The following USP32 variants were observed in gnomAD, a reference collection of about 807,000 sequenced individuals.
The protein encoded by USP32 is ubiquitin specific peptidase 32.
A neutral mutation model predicts 204.8 loss-of-function variants in USP32; 59 were observed. That is an observed-to-expected ratio of 0.29 (90% CI 0.23 to 0.36). The LOEUF (loss-of-function observed/expected upper bound fraction) is 0.36, where lower values mean the gene tolerates loss of function less well. USP32 is among the 10% of genes least tolerant of loss of function. USP32 has a pLI of 1.00. For synonymous variants in USP32, 517 were observed against 678.4 expected (o/e 0.76, Z 3.70); for missense variants, 1,160 against 1,946.4 (o/e 0.60, Z 7.60).
chr17:60,384,874 G>C (rs1032338441), intron 1 of USP32, among the ~76,000 whole-genome samples: 1 of 151,996 alleles, frequency 6.6e-6, no homozygotes, highest in South Asian at 2.1e-4. Context: ...TTGGGAGGTG[G>C]AGGCGGGTGG....
intron 1 of USP32, among the ~76,000 whole-genome samples, chr17:60,347,178 G>A (rs972519616): frequency 1.9e-4 from 29 of 151,850 alleles, no homozygotes; most frequent in African/African-American, 6.3e-4. Context: ...AAGCAGTACT[G>A]GGAAGCTTTT....
At chr17:60,187,524 C>T (rs750925187) in intron 29 of USP32, among the ~76,000 whole-genome samples, 2 of 152,170 alleles carry the variant, frequency 1.3e-5, no homozygotes, top group African/African-American at 2.4e-5. Context: ...GTATCATATA[C>T]GGTAGTGTTT....
At chr17:60,257,645 TA>T (rs890508603) in intron 9 of USP32, among the ~76,000 whole-genome samples, 2 of 151,694 alleles carry the variant, frequency 1.3e-5, no homozygotes, top group East Asian at 3.9e-4. Context: ...AAAACTGGCT[TA>T]AAAAAAAGAG....
At chr17:60,264,522 A>G (rs991019753) in intron 9 of USP32, among the ~76,000 whole-genome samples, 1 of 148,926 alleles carries the variant, frequency 6.7e-6, no homozygotes, top group African/African-American at 2.6e-5. Context: ...CTCCAAAAAA[A>G]CAAACAGACA....
chr17:60,310,190 C>G (rs1443483692), intron 2 of USP32, among the ~76,000 whole-genome samples: 14 of 152,154 alleles, frequency 9.2e-5, no homozygotes, highest in Non-Finnish European at 4.4e-5. Context: ...ATGGCTGTTC[C>G]TCAAAAGACT....
upstream of USP32, among the ~76,000 whole-genome samples, chr17:60,395,257 C>T (rs2089893487): frequency 6.6e-6 from 1 of 152,156 alleles, no homozygotes; most frequent in African/African-American, 2.4e-5. Flanking sequence ...AAGTTTCAGG[C>T]CTGGCATCCC....
chr17:60,219,020 A>G (rs142000207), intron 16 of USP32, among the ~76,000 whole-genome samples: 3,203 of 152,340 alleles, frequency 0.021, 134 homozygotes, highest in African/African-American at 0.073. Context: ...CATGTTATAC[A>G]TTAAAATGGG....
At chr17:60,372,907 A>T (rs967563174) in intron 1 of USP32, among the ~76,000 whole-genome samples, 2 of 151,554 alleles carry the variant, frequency 1.3e-5, no homozygotes, top group Non-Finnish European at 2.9e-5. Context: ...GGTGACTCAC[A>T]TCTGTAATCT....
chr17:60,342,614 T>C (rs887613726), intron 2 of USP32, among the ~76,000 whole-genome samples: 2 of 152,210 alleles, frequency 1.3e-5, no homozygotes, highest in African/African-American at 4.8e-5. Flanking sequence ...TTTGTTTACC[T>C]ACTCAAGCCT....
intron 2 of USP32, among the ~76,000 whole-genome samples, chr17:60,318,375 C>A (rs1289794587): frequency 6.6e-6 from 1 of 152,136 alleles, no homozygotes; most frequent in East Asian, 1.9e-4. Flanking sequence ...TTCTCCTGTT[C>A]ACTAATCTAA....
chr17:60,390,115 A>G (rs1184465368), intron 1 of USP32, among the ~76,000 whole-genome samples: 1 of 152,246 alleles, frequency 6.6e-6, no homozygotes, highest in Admixed American at 6.5e-5. Flanking sequence ...CAACAGGCAG[A>G]CACTGTATAA....
intron 2 of USP32, among the ~76,000 whole-genome samples, chr17:60,330,693 C>T (rs1231711406): frequency 6.6e-6 from 1 of 152,080 alleles, no homozygotes; most frequent in Non-Finnish European, 1.5e-5. Context: ...ACTACAGACA[C>T]ATATCATCAC....
At position 60,185,650 on chromosome 17, in the gene USP32, A is replaced by G. The variant is rs1306393956; in HGVS notation, c.3644T>C (p.Val1215Ala). ...HLRYQTSQER[V>A]VDEHESVEQS... Reference sequence around the variant, plus strand: ...CTCCACACTCTCATGCTCATCTACAACCTGCAGGTAGAGGGAACAGGAGGA... The same window carrying G: ...CTCCACACTCTCATGCTCATCTACAGCCTGCAGGTAGAGGGAACAGGAGGA... Residue 1215 changes from valine to alanine, a missense_variant and splice_region_variant, in exon 30 of 34, where the codon GTT becomes GCT. Around this residue, in one of 8 missense-constraint regions of USP32, gnomAD observed 160 missense variants for 322.5 expected, o/e 0.50. Coordinates refer to ENST00000300896, the MANE Select transcript of USP32 (RefSeq NM_032582.4). The G allele has an allele frequency of 6.2e-7, 1 of 1,608,662 alleles. No individual in the cohort carries two copies. The highest frequency in any genetic ancestry group is 1.3e-5 in the African/African-American group (1 of 74,794).
chr17:60,237,384 G>A (rs1158134500), intron 11 of USP32, among the ~76,000 whole-genome samples: 1 of 150,412 alleles, frequency 6.6e-6, no homozygotes, highest in Admixed American at 6.7e-5. Context: ...CAAAAGTGTT[G>A]GGATTACAGA....
At chr17:60,203,568 CCTTT>C (rs2084743888) in intron 26 of USP32, among the ~76,000 whole-genome samples, 1 of 151,754 alleles carries the variant, frequency 6.6e-6, no homozygotes, top group African/African-American at 2.4e-5. Flanking sequence ...GCCTTGCTTT[CCTTT>C]ATTTTATTTA....
At chr17:60,245,750 T>G (rs894841874) in intron 11 of USP32, 1 of 153,288 alleles carries the variant, frequency 6.5e-6, no homozygotes, top group African/African-American at 2.4e-5. Flanking sequence ...TGTCACTTAT[T>G]TTCAGCTTGA....
intron 2 of USP32, among the ~76,000 whole-genome samples, chr17:60,321,419 C>G (rs1238619994): frequency 1.3e-5 from 2 of 152,166 alleles, no homozygotes; most frequent in East Asian, 1.9e-4. Flanking sequence ...ACCGACATCT[C>G]CAAAGCAACA....
At chr17:60,201,749 C>T (rs1473033169) in intron 26 of USP32, among the ~76,000 whole-genome samples, 2 of 151,596 alleles carry the variant, frequency 1.3e-5, no homozygotes, top group Non-Finnish European at 2.9e-5. Context: ...ACCTCTGCCT[C>T]TGGGGTTCAA....
At chr17:60,192,594 C>A (rs192149164) in intron 28 of USP32, among the ~76,000 whole-genome samples, 1 of 152,156 alleles carries the variant, frequency 6.6e-6, no homozygotes, top group East Asian at 1.9e-4. Flanking sequence ...ATCACCACGC[C>A]CCGCTAATTT....
Sources: allele counts gnomAD v4.1 joint callset (sites outside exome capture counted in the v4.1 genomes callset), GRCh38; gene constraint gnomAD v4.1.1; regional missense constraint gnomAD v4.1.1; transcripts MANE v1.5; gene names NCBI Gene and HGNC (gene_info 2026-07-23, HGNC 2026-07-21).